The following PITPNM3 variants were observed in gnomAD, a reference collection of about 807,000 sequenced individuals.
PITPNM3 encodes the protein membrane-associated phosphatidylinositol transfer protein 3.
A neutral mutation model predicts 102.0 loss-of-function variants in PITPNM3; 26 were observed. The observed-to-expected ratio is 0.25, with a 90% CI of 0.19 to 0.35. The LOEUF (loss-of-function observed/expected upper bound fraction) is 0.35. PITPNM3 is among the 10% of genes least tolerant of loss of function. The probability of loss-of-function intolerance (pLI) is 1.00; values close to 1 mark genes in which losing one functional copy is unlikely to be tolerated. For missense variants in PITPNM3, 1,083 were observed against 1,346.1 expected, an observed-to-expected ratio of 0.80 and a Z score of 3.06; for synonymous variants, 578 against 558.6, an observed-to-expected ratio of 1.03 and a Z score of -0.49.
chr17:6,483,868 G>A (rs1044693762), intron 5 of PITPNM3, 116 bp from the exon 6 acceptor site: 1 of 910,674 alleles, frequency 1.1e-6, no homozygotes. Context: ...CGCACACACG[G>A]GGAGACTGAG....
In PITPNM3 at chr17:6,470,254, C is replaced by A; in HGVS notation, c.1773+6G>T. 1 of 1,601,298 alleles carries A rather than the reference C, an allele frequency of 6.2e-7. No individual in the cohort carries two copies. The highest frequency in any genetic ancestry group is 8.5e-7 in the Non-Finnish European group (1 of 1,173,958). On this transcript the variant is annotated splice_donor_region_variant and intron_variant, in intron 13 of 19. Transcript: ENST00000262483. This position sits in a 1 kb window ranked among gnomAD's most constrained non-coding sequence, Gnocchi z 4.8. ...GTGGGCAGGCCCGCGACTGCGGCAG[C>A]AGTACCTGTCTCAGGATGAAGGCCA...
chr17:6,513,260 G>C (rs1907973963), intron 3 of PITPNM3, among the ~76,000 whole-genome samples: 1 of 152,072 alleles, frequency 6.6e-6, no homozygotes, highest in South Asian at 2.1e-4. Flanking sequence ...CAAGATGTCT[G>C]CTCTCATCAC....
At chr17:6,492,473 G>C (rs144081357) in intron 4 of PITPNM3, among the ~76,000 whole-genome samples, 153 of 152,304 alleles carry the variant, frequency 1.0e-3, no homozygotes, top group African/African-American at 3.5e-3. Flanking sequence ...ACAGGCTAAT[G>C]AGGGAGTATA....
Position 6,472,787 on chromosome 17 carries a change from G to A in PITPNM3, c.1299C>T (p.Phe433=). The A allele has an allele frequency of 6.2e-7, 1 of 1,614,178 alleles. No individual in the cohort carries two copies. The highest frequency in any genetic ancestry group is 8.5e-7 in the Non-Finnish European group (1 of 1,180,016). ...AGGCAGAGGGGTCTGCGCAATGGAAGAAGCTGTAGACCTGGCTGCAGGCAG... is the reference window on the plus strand; with the variant it reads ...AGGCAGAGGGGTCTGCGCAATGGAAAAAGCTGTAGACCTGGCTGCAGGCAG... The part of the protein sequence containing the change: ...VRPACSQVYS[F]FHCADPSASR... Residue 433 remains phenylalanine (F), a synonymous_variant, in exon 11 of 20, where the codon TTC becomes TTT. Coordinates refer to ENST00000262483, the MANE Select transcript of PITPNM3 (RefSeq NM_031220.4). The surrounding 1 kb of genome is among the most constrained non-coding windows in gnomAD (Gnocchi z 4.1).
At chr17:6,534,045 A>G (rs1597408926) in intron 2 of PITPNM3, among the ~76,000 whole-genome samples, 1 of 152,074 alleles carries the variant, frequency 6.6e-6, no homozygotes, top group South Asian at 2.1e-4. Context: ...AGATTCAAAA[A>G]CCTTGAGGAG....
chr17:6,498,403 T>C (rs953860347), intron 4 of PITPNM3, among the ~76,000 whole-genome samples: 7 of 152,206 alleles, frequency 4.6e-5, no homozygotes, highest in African/African-American at 1.7e-4. Context: ...TAAGGTTGTA[T>C]GGAGGCAAGG....
rs752224336 is a variant in PITPNM3, at chr17:6,538,023, C to G, written c.82G>C (p.Val28Leu). ...AAGAATTCATCATCTGAGCTCTCCA[C>G]AGAGTCACTGAGGACATTTCGAAGG... The part of the protein sequence containing the change: ...WHLRNVLSDS[V>L]ESSDDEFFDA... Residue 28 changes from valine (V) to leucine (L), a missense_variant, in exon 2 of 20, where the codon GTG (valine) becomes CTG (leucine). By Grantham distance (32) the Val-to-Leu change is conservative. This residue lies in a region of PITPNM3 where 290 missense variants were observed against 337.8 expected (regional missense o/e 0.86). Transcript: ENST00000262483. The G allele has an allele frequency of 3.1e-6, 5 of 1,613,930 alleles. No individual in the cohort carries two copies. Among genetic ancestry groups the G allele is most frequent in the Non-Finnish European group, 4.2e-6 (5 of 1,179,934 alleles).
rs1056127508 is a variant in PITPNM3, at chr17:6,531,723, C to G, written c.119-6260G>C. On this transcript the variant is annotated intron_variant, in intron 2 of 19. Coordinates refer to ENST00000262483, the MANE Select transcript of PITPNM3 (RefSeq NM_031220.4). The stretch of plus-strand genomic sequence containing the variant: ...GGCTACTGGGTCTAGTCTGCCCCCT[C>G]TCTCCTTGCTGGGGCTGTGAACCCA... Among the ~76,000 whole-genome samples the G allele has an allele frequency of 2.6e-5, 4 of 152,330 alleles. No homozygotes were observed. The South Asian group carries it at 8.3e-4, about 32-fold the overall frequency.
At chr17:6,545,293 T>C (rs1212358194) in intron 1 of PITPNM3, among the ~76,000 whole-genome samples, 1 of 152,158 alleles carries the variant, frequency 6.6e-6, no homozygotes, top group African/African-American at 2.4e-5. Flanking sequence ...AATAAAATAA[T>C]AAATTGTGAT....
In PITPNM3 at chr17:6,478,461, T is replaced by C. The variant is rs571447982; in HGVS notation, c.777+86A>G. On this transcript the variant is annotated intron_variant, in intron 7 of 19. Transcript: ENST00000262483. This position sits in a 1 kb window ranked among gnomAD's most constrained non-coding sequence, Gnocchi z 4.4. Reference sequence around the variant, plus strand: ...AGGCTGATTCGAGAACAGCCTGGCCTTGGCCCTTTCAGTAGATTCCAGCCT... The same window carrying C: ...AGGCTGATTCGAGAACAGCCTGGCCCTGGCCCTTTCAGTAGATTCCAGCCT... 8 of 1,528,014 alleles carry C rather than the reference T, an allele frequency of 5.2e-6. No homozygotes were observed. The Admixed American group carries it at 1.4e-4, about 27-fold the overall frequency. The allele number at this position is 1,528,014 out of a possible 1,614,324, so 94.7% of individuals were successfully genotyped here.
In PITPNM3 at chr17:6,525,306, T is replaced by C. The variant is rs199618742; in HGVS notation, c.226+50A>G. ...CAGTCACCAGCCCTACAGCCCCCCCTGCAACACACCTATGTGCACATCCTG... is the reference window on the plus strand; with the variant it reads ...CAGTCACCAGCCCTACAGCCCCCCCCGCAACACACCTATGTGCACATCCTG... On this transcript the variant is annotated intron_variant, in intron 3 of 19. Transcript: ENST00000262483. 5.8e-6 allele frequency: 9 copies of C among 1,542,640 alleles called. No individual in the cohort carries two copies. The East Asian group carries it at 2.0e-4, about 35-fold the overall frequency.
Position 6,469,196 on chromosome 17 carries a change from C to G in PITPNM3, c.1774-855G>C, listed in dbSNP as rs933013328. Among the ~76,000 whole-genome samples the G allele has an allele frequency of 2.0e-5, 3 of 152,198 alleles. No individual in the cohort carries two copies. The highest frequency in any genetic ancestry group is 7.2e-5 in the African/African-American group (3 of 41,440). ...TCGCCAGTTGTAAATGCCGTCCAAGCTCTGATGACACCCACATTTTTATCT... is the reference window on the plus strand; with the variant it reads ...TCGCCAGTTGTAAATGCCGTCCAAGGTCTGATGACACCCACATTTTTATCT... On this transcript the variant is annotated intron_variant, in intron 13 of 19. Coordinates refer to ENST00000262483, the MANE Select transcript of PITPNM3 (RefSeq NM_031220.4). This position sits in a 1 kb window ranked among gnomAD's most constrained non-coding sequence, Gnocchi z 4.0.
At chr17:6,551,610 C>T (rs1170243899) in intron 1 of PITPNM3, among the ~76,000 whole-genome samples, 1 of 152,096 alleles carries the variant, frequency 6.6e-6, no homozygotes, top group Non-Finnish European at 1.5e-5. Context: ...TATGATGGCT[C>T]ATGCCTGTAA....
rs573999113 is a variant in PITPNM3, at chr17:6,538,998, G to C, written c.23-916C>G. Among the ~76,000 whole-genome samples the C allele has an allele frequency of 2.0e-5, 3 of 151,342 alleles. No individual in the cohort carries two copies. In the East Asian group the frequency reaches 5.8e-4, roughly 29 times the overall value. ...GCATAAACTGTTCCTGAAGGGAGAC[G>C]GTCAGCCCAGGCCATCCAGGGACAC... On this transcript the variant is annotated intron_variant, in intron 1 of 19. Coordinates refer to ENST00000262483, the MANE Select transcript of PITPNM3 (RefSeq NM_031220.4).
intron 4 of PITPNM3, 46 bp downstream of exon 4, chr17:6,503,481 C>A: frequency 6.3e-7 from 1 of 1,598,470 alleles, no homozygotes; most frequent in Non-Finnish European, 8.6e-7. Flanking sequence ...GAGCTTGCAC[C>A]CATCCAAGGG....
chr17:6,549,616 C>T (rs1483002650), intron 1 of PITPNM3, among the ~76,000 whole-genome samples: 1 of 152,204 alleles, frequency 6.6e-6, no homozygotes, highest in Non-Finnish European at 1.5e-5. Context: ...CATTTACCTC[C>T]GGAGTGACTC....
At chr17:6,512,791 C>T (rs1907943357) in intron 3 of PITPNM3, among the ~76,000 whole-genome samples, 1 of 152,140 alleles carries the variant, frequency 6.6e-6, no homozygotes, top group Non-Finnish European at 1.5e-5. Flanking sequence ...TCAACAAGAA[C>T]GTGGCCTTGC....
At chr17:6,490,839 G>C (rs942984639) in intron 4 of PITPNM3, among the ~76,000 whole-genome samples, 1 of 150,092 alleles carries the variant, frequency 6.7e-6, no homozygotes, top group African/African-American at 2.5e-5. Flanking sequence ...GTATTTAGCT[G>C]TAATCCTAGC....
intron 3 of PITPNM3, among the ~76,000 whole-genome samples, chr17:6,506,939 A>G (rs901690425): frequency 6.6e-6 from 1 of 152,242 alleles, no homozygotes; most frequent in Non-Finnish European, 1.5e-5. Context: ...CCATGCTGAA[A>G]CGCACTAGTT....
Sources: allele counts gnomAD v4.1 joint callset (sites outside exome capture counted in the v4.1 genomes callset), GRCh38; gene constraint gnomAD v4.1.1; regional missense constraint gnomAD v4.1.1; non-coding constraint Gnocchi (gnomAD v3.1); transcripts MANE v1.5; gene names NCBI Gene and HGNC (gene_info 2026-07-23, HGNC 2026-07-21).